ENPP6: variants seen among roughly 807,000 people sequenced by gnomAD.
The protein encoded by ENPP6 is glycerophosphocholine cholinephosphodiesterase ENPP6.
ENPP6 carries 32 observed loss-of-function variants against 42.0 expected under a neutral mutation model. The observed-to-expected ratio is 0.76, with a 90% CI of 0.58 to 1.02. The LOEUF (loss-of-function observed/expected upper bound fraction) is 1.02, where lower values mean the gene tolerates loss of function less well. ENPP6 is among the 50% of genes least tolerant of loss of function. ENPP6 has a pLI of 0.00. For synonymous variants in ENPP6, 213 were observed against 216.0 expected (o/e 0.99, Z 0.12); for missense variants, 552 against 566.8 (o/e 0.97, Z 0.27).
chr4:184,158,675 T>A (rs1737212383), intron 1 of ENPP6, among the ~76,000 whole-genome samples: 1 of 152,186 alleles, frequency 6.6e-6, no homozygotes, highest in South Asian at 2.1e-4. Context: ...TTCTATGCCT[T>A]AGGGAATTGT....
chr4:184,159,555 C>T (rs1438469609), intron 1 of ENPP6, among the ~76,000 whole-genome samples: 2 of 152,186 alleles, frequency 1.3e-5, no homozygotes, highest in East Asian at 1.9e-4. Context: ...GCTACAGTAG[C>T]TACAATTAGG....
At chr4:184,115,809 C>G (rs1235209195) in intron 5 of ENPP6, among the ~76,000 whole-genome samples, 2 of 152,166 alleles carry the variant, frequency 1.3e-5, no homozygotes, top group Non-Finnish European at 2.9e-5. Flanking sequence ...CTCTTGTTCC[C>G]CGACAGAAAC....
At chr4:184,101,650 A>G (rs1251186882) in intron 6 of ENPP6, among the ~76,000 whole-genome samples, 1 of 152,200 alleles carries the variant, frequency 6.6e-6, no homozygotes, top group Non-Finnish European at 1.5e-5. Flanking sequence ...TCAGGGATGC[A>G]AGGCTTTCAG....
chr4:184,217,706 G>A lies in ENPP6; in HGVS notation c.114C>T (p.Tyr38=), dbSNP rs529125476. Residue 38 remains tyrosine (Y), a synonymous_variant, in exon 1 of 8, where the codon TAC becomes TAT. Coordinates refer to ENST00000296741, the MANE Select transcript of ENPP6 (RefSeq NM_153343.4). The stretch of plus-strand genomic sequence containing the variant: ...ATGACTCCAGCGCCTCATCACTGAT[G>A]TAGTCTGAGCGAAAACCATCCAGCA... ...VFLLDGFRSD[Y]ISDEALESLP... 12 of 1,614,216 alleles carry A rather than the reference G, an allele frequency of 7.4e-6. 1 individual carries two copies. In the South Asian group the frequency reaches 8.8e-5, roughly 12 times the overall value.
chr4:184,105,418 T>TGG (rs1308791498), intron 6 of ENPP6, among the ~76,000 whole-genome samples: 1 of 152,210 alleles, frequency 6.6e-6, no homozygotes, highest in Non-Finnish European at 1.5e-5. Flanking sequence ...AACACGATGT[T>TGG]AGAAACACAT....
rs538400258 is a variant in ENPP6 at position 184,146,772 on chromosome 4, CAG to C, written c.421+6780_421+6781del. 1.2e-4 allele frequency among the ~76,000 whole-genome samples: 19 copies of C among 152,316 alleles called. No homozygotes were observed. In the South Asian group the frequency reaches 3.5e-3, roughly 28 times the overall value. On this transcript the variant is annotated intron_variant, in intron 2 of 7. Transcript: ENST00000296741. ...ATGGGGCCCTCATCAGATGGCTACG[CAG>C]AGAGTGATACTACCTCCCCTTGCTT...
intron 5 of ENPP6, among the ~76,000 whole-genome samples, chr4:184,113,894 C>T (rs548971239): frequency 2.7e-5 from 4 of 148,472 alleles, no homozygotes; most frequent in African/African-American, 1.0e-4. Context: ...TCCTTCCTTT[C>T]TTTCTTTTCT....
intron 6 of ENPP6, among the ~76,000 whole-genome samples, chr4:184,102,373 C>T (rs1232553047): frequency 1.3e-5 from 2 of 152,188 alleles, no homozygotes; most frequent in Non-Finnish European, 2.9e-5. Flanking sequence ...TATTATTTGC[C>T]GCTTCACATG....
chr4:184,209,097 A>G (rs1733064465), intron 1 of ENPP6, among the ~76,000 whole-genome samples: 2 of 150,296 alleles, frequency 1.3e-5, no homozygotes, highest in East Asian at 1.9e-4. Flanking sequence ...CATCACCGTC[A>G]TCAAAGACCA....
chr4:184,202,536 C>G (rs527975828), intron 1 of ENPP6, among the ~76,000 whole-genome samples: 80 of 152,294 alleles, frequency 5.3e-4, no homozygotes, highest in African/African-American at 1.9e-3. Flanking sequence ...CGACCCACAC[C>G]CAGATGGCAA....
chr4:184,102,587 C>A (rs72995873), intron 6 of ENPP6, among the ~76,000 whole-genome samples: 2,720 of 152,306 alleles, frequency 0.018, 68 homozygotes, highest in African/African-American at 0.062. Context: ...CAGCTGTGTC[C>A]TGCATCCCTA....
intron 3 of ENPP6, among the ~76,000 whole-genome samples, chr4:184,120,631 G>T (rs989026055): frequency 2.0e-5 from 3 of 152,176 alleles, no homozygotes; most frequent in Non-Finnish European, 4.4e-5. Context: ...CTTCCAGAAG[G>T]ATGGGAGTAA....
chr4:184,130,571 CA>C lies in ENPP6; in HGVS notation c.422-6300del, dbSNP rs1303039905. Among the ~76,000 whole-genome samples the C allele has an allele frequency of 2.0e-3, 85 of 41,966 alleles. 25 individuals are homozygous for C. Among genetic ancestry groups the C allele is most frequent in the African/African-American group, 5.4e-3 (74 of 13,754 alleles). 27.5% of individuals were successfully genotyped at this position (41,966 alleles called of 152,430 possible). A position where few individuals can be genotyped will look rare whatever the true frequency, so the allele number is the denominator to read the frequency against. ...AGACTCCAAATCAAACAAAACAAAACAAAAAAAAAAGAGCTTGGGTTTTAAA... is the reference window on the plus strand; with the variant it reads ...AGACTCCAAATCAAACAAAACAAAACAAAAAAAAAGAGCTTGGGTTTTAAA... On this transcript the variant is annotated intron_variant, in intron 2 of 7. Transcript: ENST00000296741.
At chr4:184,198,854 C>T (rs892201873) in intron 1 of ENPP6, among the ~76,000 whole-genome samples, 23 of 152,214 alleles carry the variant, frequency 1.5e-4, no homozygotes, top group African/African-American at 5.5e-4. Flanking sequence ...CATCTTGTCT[C>T]TCATCTGTCC....
intron 2 of ENPP6, among the ~76,000 whole-genome samples, chr4:184,150,181 G>A (rs987033464): frequency 5.3e-5 from 8 of 152,144 alleles, no homozygotes; most frequent in Non-Finnish European, 7.3e-5. Flanking sequence ...TGGGTGGCGT[G>A]CTAAAGGGCC....
chr4:184,196,300 C>T (rs1381135362), intron 1 of ENPP6, among the ~76,000 whole-genome samples: 1 of 152,210 alleles, frequency 6.6e-6, no homozygotes, highest in African/African-American at 2.4e-5. Context: ...TCCTGTACGA[C>T]GATTATATTC....
chr4:184,135,746 T>C (rs1053236896), intron 2 of ENPP6, among the ~76,000 whole-genome samples: 3 of 152,212 alleles, frequency 2.0e-5, no homozygotes, highest in Admixed American at 1.3e-4. Context: ...AGCTGTGTAC[T>C]GAGTACCCAC....
At chr4:184,109,847 C>CGTGT (rs57313031) in intron 6 of ENPP6, among the ~76,000 whole-genome samples, 16 of 151,116 alleles carry the variant, frequency 1.1e-4, no homozygotes, top group South Asian at 4.2e-4. Flanking sequence ...TTCAGACAAA[C>CGTGT]GTGTGTGTGT....
chr4:184,115,813 C>A (rs1024922607), intron 5 of ENPP6, among the ~76,000 whole-genome samples: 19 of 152,222 alleles, frequency 1.2e-4, no homozygotes, highest in African/African-American at 3.9e-4. Flanking sequence ...TGTTCCCCGA[C>A]AGAAACAGAT....
Sources: gnomAD v4.1 joint callset for allele counts (sites outside exome capture counted in the v4.1 genomes callset) on GRCh38, gnomAD v4.1.1 for gene constraint, MANE v1.5 for transcripts, NCBI Gene and HGNC (gene_info 2026-07-23, HGNC 2026-07-21) for gene names.